The following PGPEP1L variants were observed in gnomAD, a reference collection of about 807,000 sequenced individuals.
The protein encoded by PGPEP1L is pyroglutamyl-peptidase I like.
A neutral mutation model predicts 6.0 loss-of-function variants in PGPEP1L; 7 were observed. The ratio of observed to expected loss-of-function variants is 1.17; its 90% CI spans 0.66 to 2.19. PGPEP1L has a LOEUF of 2.19. Among genes scored for constraint, PGPEP1L ranks in the 30% most tolerant of loss-of-function variants. The probability of loss-of-function intolerance (pLI) is 0.00; values close to 1 mark genes in which losing one functional copy is unlikely to be tolerated. For missense variants in PGPEP1L, 209 were observed against 192.5 expected (o/e 1.09, Z -0.51); for synonymous variants, 103 against 83.9 (o/e 1.23, Z -1.24).
chr15:99,003,982 C>T (rs545747771), intron 2 of PGPEP1L, among the ~76,000 whole-genome samples: 8 of 148,272 alleles, frequency 5.4e-5, no homozygotes, highest in Admixed American at 1.3e-4. Context: ...CTCTGAAGGT[C>T]GATAGGAGTT....
In PGPEP1L at chr15:99,000,527, G is replaced by A. The variant is rs188538221; in HGVS notation, c.-142+4902C>T. Among the ~76,000 whole-genome samples, 188 of 152,284 alleles carry A rather than the reference G, an allele frequency of 1.2e-3. 2 individuals carry two copies. The highest frequency in any genetic ancestry group is 4.1e-3 in the African/African-American group (170 of 41,536). On this transcript the variant is annotated intron_variant, in intron 2 of 4. Transcript: ENST00000535714. ...CTAAGGGATTGTAAATACACCAATC[G>A]GCACTCTGTATCTAGCTCAAGGTTT...
At chr15:99,004,544 C>T (rs2018020450) in intron 2 of PGPEP1L, among the ~76,000 whole-genome samples, 1 of 151,936 alleles carries the variant, frequency 6.6e-6, no homozygotes, top group South Asian at 2.1e-4. Flanking sequence ...ATGGTGAAAC[C>T]CCATCTCTAC....
chr15:98,986,517 T>C (rs2017749271), intron 2 of PGPEP1L, among the ~76,000 whole-genome samples: 1 of 152,240 alleles, frequency 6.6e-6, no homozygotes, highest in South Asian at 2.1e-4. Flanking sequence ...TTTGGGATCC[T>C]CCCAGACCTC....
chr15:98,970,973 G>A (rs910635591), intron 3 of PGPEP1L, 63 bp downstream of exon 3: 16 of 1,599,670 alleles, frequency 1.0e-5, no homozygotes, highest in Middle Eastern at 1.7e-4. Context: ...AGGACCCGGG[G>A]GTTCAGAGGC....
chr15:99,007,055 GA>G (rs1207608220), intron 1 of PGPEP1L, among the ~76,000 whole-genome samples: 21 of 152,156 alleles, frequency 1.4e-4, no homozygotes, highest in Admixed American at 9.2e-4. Context: ...CACCCCCGCG[GA>G]TTAGACCCCC....
chr15:99,006,797 C>T (rs2018073349), intron 1 of PGPEP1L, among the ~76,000 whole-genome samples: 1 of 151,916 alleles, frequency 6.6e-6, no homozygotes, highest in African/African-American at 2.4e-5. Flanking sequence ...GACCCTGTCT[C>T]TAAAAATATT....
At chr15:98,972,074 C>A (rs2151754328) in intron 2 of PGPEP1L, among the ~76,000 whole-genome samples, 1 of 152,244 alleles carries the variant, frequency 6.6e-6, no homozygotes, top group Non-Finnish European at 1.5e-5. Flanking sequence ...TAGCATGGGC[C>A]AGGCATGGTG....
At chr15:98,998,574 C>T (rs569367212) in intron 2 of PGPEP1L, among the ~76,000 whole-genome samples, 1 of 152,320 alleles carries the variant, frequency 6.6e-6, no homozygotes, top group Non-Finnish European at 1.5e-5. Flanking sequence ...GTTCGTCAAC[C>T]AATGGTGTTA....
chr15:98,983,503 CA>C, intron 2 of PGPEP1L, among the ~76,000 whole-genome samples: 1 of 152,172 alleles, frequency 6.6e-6, no homozygotes, highest in East Asian at 1.9e-4. Context: ...GGTGTGTTTT[CA>C]AAAACCCTTG....
chr15:98,993,703 T>TA (rs2017849239), intron 2 of PGPEP1L, among the ~76,000 whole-genome samples: 1 of 151,890 alleles, frequency 6.6e-6, no homozygotes, highest in Non-Finnish European at 1.5e-5. Flanking sequence ...GGGATAGCAT[T>TA]AGGAGAAATA....
At chr15:98,978,795 T>C (rs1217091353) in intron 2 of PGPEP1L, among the ~76,000 whole-genome samples, 1 of 146,886 alleles carries the variant, frequency 6.8e-6, no homozygotes, top group African/African-American at 2.5e-5. Flanking sequence ...GGTGGCATGA[T>C]CTCGGCTCAC....
rs550299067 is a variant in PGPEP1L at position 99,006,857 on chromosome 15, T to C, written c.-370+502A>G. On this transcript the variant is annotated intron_variant, in intron 1 of 4. Transcript: ENST00000535714. ...ATACTTTTTTCCTGAAGCTGTATATTAAGAGGAAGAAGACCCATGATTCTC... is the reference window on the plus strand; with the variant it reads ...ATACTTTTTTCCTGAAGCTGTATATCAAGAGGAAGAAGACCCATGATTCTC... Among the ~76,000 whole-genome samples, 36 of 152,242 alleles carry C rather than the reference T, an allele frequency of 2.4e-4. No homozygotes were observed. The South Asian group carries it at 7.5e-3, about 32-fold the overall frequency.
At position 98,968,584 on chromosome 15, in the gene PGPEP1L, G is replaced by A. The variant is rs771173706; in HGVS notation, c.323C>T (p.Ala108Val). The stretch of plus-strand genomic sequence containing the variant: ...CATTTCCTGGATGATGACTCTCAAG[G>A]CTCTTCCCAGCAGGCTGGCCGGGAG... ...RGLPASLLGR[A>V]LRVIIQEMLE... The change falls in exon 5 of 5, where the codon GCC (alanine) becomes GTC (valine). Residue 108 changes from alanine to valine, a missense_variant. By Grantham distance (64) the Ala-to-Val change is moderately conservative. Coordinates refer to ENST00000535714, the MANE Select transcript of PGPEP1L (RefSeq NM_001167902.2). 1.2e-6 allele frequency: 2 copies of A among 1,611,830 alleles called. No homozygotes were observed. Among genetic ancestry groups the A allele is most frequent in the Non-Finnish European group, 1.7e-6 (2 of 1,179,100 alleles).
chr15:99,006,300 T>G (rs140650822), intron 1 of PGPEP1L, among the ~76,000 whole-genome samples: 15 of 152,362 alleles, frequency 9.8e-5, no homozygotes, highest in Non-Finnish European at 1.9e-4. Context: ...TTGCTAGCTC[T>G]GTGCTCACCA....
chr15:98,968,920 G>A (rs1028572134), intron 4 of PGPEP1L, among the ~76,000 whole-genome samples: 1 of 151,700 alleles, frequency 6.6e-6, no homozygotes, highest in Non-Finnish European at 1.5e-5. Context: ...GGCCAAGGCA[G>A]AAAGGGGTCA....
chr15:98,970,937 G>A (rs1419494091), intron 3 of PGPEP1L, 99 bp downstream of exon 3: 3 of 1,525,558 alleles, frequency 2.0e-6, no homozygotes, highest in Non-Finnish European at 2.7e-6. Flanking sequence ...GGGACGGGGT[G>A]CCCCTCAACC....
At chr15:98,982,141 C>T (rs1163172629) in intron 2 of PGPEP1L, among the ~76,000 whole-genome samples, 1 of 152,204 alleles carries the variant, frequency 6.6e-6, no homozygotes, top group African/African-American at 2.4e-5. Flanking sequence ...TTACTAGGAG[C>T]ACGGTGTTTG....
intron 2 of PGPEP1L, among the ~76,000 whole-genome samples, chr15:99,000,059 G>A (rs377662200): frequency 4.6e-5 from 7 of 152,234 alleles, no homozygotes; most frequent in African/African-American, 1.4e-4. Flanking sequence ...GGAGAGGCGC[G>A]GGCGGGAACC....
chr15:98,983,167 A>AG, intron 2 of PGPEP1L, among the ~76,000 whole-genome samples: 2 of 88,662 alleles, frequency 2.3e-5, no homozygotes, highest in Non-Finnish European at 7.0e-5. Context: ...GGAAAAAAAA[A>AG]AAAAGAAGAA....
Sources: gnomAD v4.1 joint callset for allele counts (sites outside exome capture counted in the v4.1 genomes callset) on GRCh38, gnomAD v4.1.1 for gene constraint, MANE v1.5 for transcripts, NCBI Gene and HGNC (gene_info 2026-07-23, HGNC 2026-07-21) for gene names.